Variants in BARD1 observed in about 807,000 individuals in gnomAD.
The protein encoded by BARD1 is BRCA1 associated RING domain 1.
A neutral mutation model predicts 77.0 loss-of-function variants in BARD1; 73 were observed. The ratio of observed to expected loss-of-function variants is 0.95; its 90% CI spans 0.79 to 1.15. The LOEUF (loss-of-function observed/expected upper bound fraction) is 1.15. BARD1 is among the 50% of genes most tolerant of loss of function. The pLI, the probability that BARD1 is intolerant of heterozygous loss-of-function variation, is 0.00. For missense variants in BARD1, 993 were observed against 938.8 expected (o/e 1.06, Z -0.75); for synonymous variants, 384 against 338.0 (o/e 1.14, Z -1.49).
In BARD1 at chr2:214,767,631, G is replaced by C. The variant is rs786203473; in HGVS notation, c.1419C>G (p.His473Gln). Residue 473 changes from histidine (H) to glutamine (Q), a missense_variant, in exon 6 of 11, where the codon CAC becomes CAG. His to Gln is a conservative substitution (Grantham distance 24). Coordinates refer to ENST00000260947, the MANE Select transcript of BARD1 (RefSeq NM_000465.4). ...TPLHEACNHG[H>Q]LKVVELLLQH... ...GGAGCAATAATTCCACTACCTTCAG[G>C]TGCCCATGATTGCAAGCTTCATGCT... 1 of 1,613,858 alleles carries C rather than the reference G, an allele frequency of 6.2e-7. No homozygotes were observed. The highest frequency in any genetic ancestry group is 1.1e-5 in the South Asian group (1 of 91,066).
intron 3 of BARD1, among the ~76,000 whole-genome samples, chr2:214,787,388 T>G (rs576355867): frequency 8.9e-4 from 136 of 152,078 alleles, no homozygotes; most frequent in African/African-American, 3.1e-3. Flanking sequence ...TTTAATTATG[T>G]ATCTTGCATA....
rs587782482 is a variant in BARD1, at chr2:214,781,299, G to T, written c.575C>A (p.Ser192Tyr). ...TGCAGAAGCCTTTTTAGCCCTCTCA[G>T]AAACATCTGCAGGAGGACTTGGGGA... The part of the protein sequence containing the change: ...FVSPSPPADV[S>Y]ERAKKASARS... The change falls in exon 4 of 11, where the codon TCT becomes TAT. Residue 192 changes from serine to tyrosine, a missense_variant. Ser to Tyr is a moderately radical substitution (Grantham distance 144). Transcript: ENST00000260947. 4.4e-6 allele frequency: 7 copies of T among 1,608,574 alleles called. No individual in the cohort carries two copies. The highest frequency in any genetic ancestry group is 5.9e-6 in the Non-Finnish European group (7 of 1,178,676).
intron 5 of BARD1, 47 bp downstream of exon 5, chr2:214,769,185 A>C: frequency 6.7e-7 from 1 of 1,494,592 alleles, no homozygotes; most frequent in Non-Finnish European, 9.3e-7. Context: ...ATAAACTATA[A>C]GAACTGTAAA....
At chr2:214,773,745 C>T (rs1694618075) in intron 4 of BARD1, among the ~76,000 whole-genome samples, 1 of 152,138 alleles carries the variant, frequency 6.6e-6, no homozygotes, top group African/African-American at 2.4e-5. Context: ...GCTGACTGAG[C>T]AAGCAGGTAG....
chr2:214,778,833 G>C (rs1694849310), intron 4 of BARD1, among the ~76,000 whole-genome samples: 1 of 152,022 alleles, frequency 6.6e-6, no homozygotes. Flanking sequence ...CATTAATAAA[G>C]ATAAATTATT....
intron 2 of BARD1, chr2:214,796,801 T>C: frequency 2.1e-6 from 1 of 473,718 alleles, no homozygotes; most frequent in Non-Finnish European, 3.8e-6. Flanking sequence ...ATAAAAGGCA[T>C]TAATTTTTTT....
intron 4 of BARD1, among the ~76,000 whole-genome samples, chr2:214,774,515 T>C (rs977985903): frequency 1.3e-5 from 2 of 152,212 alleles, no homozygotes; most frequent in Non-Finnish European, 2.9e-5. Flanking sequence ...ATATTTTGAA[T>C]ATCTTTCCTG....
intron 3 of BARD1, among the ~76,000 whole-genome samples, chr2:214,791,107 ATG>A (rs1222592016): frequency 2.6e-5 from 4 of 152,138 alleles, no homozygotes; most frequent in Non-Finnish European, 5.9e-5. Context: ...ACTTTTAAAA[ATG>A]TGTGTGTATA....
intron 6 of BARD1, among the ~76,000 whole-genome samples, chr2:214,758,951 TACTA>T (rs1693824392): frequency 1.3e-5 from 2 of 152,182 alleles, no homozygotes; most frequent in Non-Finnish European, 2.9e-5. Flanking sequence ...TTTTTACTAA[TACTA>T]AATCTATCAC....
chr2:214,734,866 C>T (rs1193599258), intron 9 of BARD1, among the ~76,000 whole-genome samples: 3 of 152,108 alleles, frequency 2.0e-5, no homozygotes, highest in Non-Finnish European at 4.4e-5. Flanking sequence ...TGTATCCTTC[C>T]CCAAATCCAG....
intron 4 of BARD1, among the ~76,000 whole-genome samples, chr2:214,774,318 T>A (rs1694647066): frequency 1.3e-5 from 2 of 152,192 alleles, no homozygotes; most frequent in Non-Finnish European, 2.9e-5. Flanking sequence ...TCCAGAATCA[T>A]CTGTGGAATA....
At position 214,797,119 on chromosome 2, in the gene BARD1, T is replaced by C. The variant is rs1424761304; in HGVS notation, c.159-2A>G. On this transcript the variant is annotated splice_acceptor_variant, in intron 1 of 10. Transcript: ENST00000260947. LOFTEE classifies it high-confidence loss of function. ...ACAGGCTCTCTCAGAATGTTAGTAC[T>C]GTTTGAAGAAATTAAAACAATCAAG... 1.2e-6 allele frequency: 2 copies of C among 1,611,916 alleles called. No homozygotes were observed. Among genetic ancestry groups the C allele is most frequent in the Non-Finnish European group, 1.7e-6 (2 of 1,178,270 alleles).
chr2:214,782,142 T>C (rs955029726), intron 3 of BARD1, among the ~76,000 whole-genome samples: 2 of 152,096 alleles, frequency 1.3e-5, no homozygotes, highest in Non-Finnish European at 2.9e-5. Context: ...TTAAAGACAA[T>C]AGTCATGACC....
intron 9 of BARD1, among the ~76,000 whole-genome samples, chr2:214,742,799 G>A (rs1003363119): frequency 2.0e-5 from 3 of 152,152 alleles, no homozygotes; most frequent in Non-Finnish European, 2.9e-5. Flanking sequence ...AAAGTTAAGT[G>A]GTAAATGTCT....
At chr2:214,798,448 T>G (rs1695859288) in intron 1 of BARD1, among the ~76,000 whole-genome samples, 1 of 152,138 alleles carries the variant, frequency 6.6e-6, no homozygotes, top group Admixed American at 6.6e-5. Flanking sequence ...AACCTCCTTT[T>G]CCCCATCAAG....
intron 3 of BARD1, among the ~76,000 whole-genome samples, chr2:214,788,931 T>C (rs1695397152): frequency 6.6e-6 from 1 of 151,904 alleles, no homozygotes; most frequent in Non-Finnish European, 1.5e-5. Context: ...CAAAGGGAAA[T>C]GTTCCAGAAA....
intron 9 of BARD1, among the ~76,000 whole-genome samples, chr2:214,735,395 T>A (rs1018062523): frequency 6.6e-6 from 1 of 152,190 alleles, no homozygotes; most frequent in African/African-American, 2.4e-5. Flanking sequence ...GGGACACACT[T>A]GTTTGTCAAC....
At position 214,809,663 on chromosome 2, in the gene BARD1, G is replaced by A. The variant is rs956478066; in HGVS notation, c.-94C>T. On this transcript the variant is annotated 5_prime_UTR_variant, in exon 1 of 11. Transcript: ENST00000260947. ...AGCTGCAGGCCAGCGACTCGAAACC[G>A]GCCAAGCTCTTCCCGCGTCTGGGAC... 2.7e-6 allele frequency: 4 copies of A among 1,468,850 alleles called. No homozygotes were observed. Among genetic ancestry groups the A allele is most frequent in the Admixed American group, 2.0e-5 (1 of 49,908 alleles). The allele number at this position is 1,468,850 out of a possible 1,614,324, so 91.0% of individuals were successfully genotyped here.
chr2:214,803,889 A>C (rs1441548581), intron 1 of BARD1, among the ~76,000 whole-genome samples: 2 of 152,348 alleles, frequency 1.3e-5, no homozygotes, highest in South Asian at 2.1e-4. Flanking sequence ...GGGAAGAATT[A>C]AGTAGTGAGA....
Sources: allele counts gnomAD v4.1 joint callset (sites outside exome capture counted in the v4.1 genomes callset), GRCh38; gene constraint gnomAD v4.1.1; transcripts MANE v1.5; gene names NCBI Gene and HGNC (gene_info 2026-07-23, HGNC 2026-07-21).